SLCO1B3: variants seen among roughly 807,000 people sequenced by gnomAD.
SLCO1B3 encodes liver-specific organic anion transporter 2.
A neutral mutation model predicts 71.8 loss-of-function variants in SLCO1B3; 72 were observed. The observed-to-expected ratio is 1.00, with a 90% confidence interval of 0.83 to 1.22. The LOEUF is 1.22. Among genes scored for constraint, SLCO1B3 ranks in the 50% most tolerant of loss-of-function variants. The pLI, the probability that SLCO1B3 is intolerant of heterozygous loss-of-function variation, is 0.00. For synonymous variants in SLCO1B3, 298 were observed against 278.4 expected, an observed-to-expected ratio of 1.07 and a Z score of -0.70; for missense variants, 911 against 819.7, an observed-to-expected ratio of 1.11 and a Z score of -1.36.
At position 20,819,344 on chromosome 12, in the gene SLCO1B3, G is replaced by A. The variant is rs547605820; in HGVS notation, c.84+3522G>A. Among the ~76,000 whole-genome samples, 14 of 152,268 alleles carry A rather than the reference G, an allele frequency of 9.2e-5. No individual in the cohort carries two copies. In the East Asian group the frequency reaches 2.1e-3, roughly 23 times the overall value. On this transcript the variant is annotated intron_variant, in intron 3 of 15. Coordinates refer to ENST00000381545, the MANE Select transcript of SLCO1B3 (RefSeq NM_019844.4). ...GGTAACAGATGAGGATGAAATTTGC[G>A]CTTGACTGAAGTAATGGGGTCTGTC...
chr12:20,880,048 A>G (rs571086800), intron 11 of SLCO1B3, among the ~76,000 whole-genome samples: 9 of 151,862 alleles, frequency 5.9e-5, no homozygotes, highest in African/African-American at 2.2e-4. Context: ...CAATCTCCTT[A>G]TTTTTCTTAA....
chr12:20,907,221 G>T (rs1164334340), intron 15 of SLCO1B3, among the ~76,000 whole-genome samples: 1 of 152,102 alleles, frequency 6.6e-6, no homozygotes, highest in East Asian at 1.9e-4. Context: ...TTTACTAAAA[G>T]AACTTTCTTC....
intron 3 of SLCO1B3, among the ~76,000 whole-genome samples, chr12:20,851,945 T>C (rs1346225305): frequency 6.6e-6 from 1 of 152,224 alleles, no homozygotes; most frequent in Non-Finnish European, 1.5e-5. Flanking sequence ...GTTGGCACCC[T>C]TGTTGAAAAT....
chr12:20,828,648 C>CACACACGA (rs1864477875), intron 3 of SLCO1B3, among the ~76,000 whole-genome samples: 1 of 147,670 alleles, frequency 6.8e-6, no homozygotes. Context: ...CACACACATA[C>CACACACGA]ACACACACAC....
intron 15 of SLCO1B3, among the ~76,000 whole-genome samples, chr12:20,904,797 AGTG>A (rs1414634851): frequency 1.2e-4 from 12 of 99,966 alleles, no homozygotes; most frequent in Non-Finnish European, 1.9e-4. Context: ...TTCTTGAGAC[AGTG>A]TCTTGCTCTG....
intron 13 of SLCO1B3, among the ~76,000 whole-genome samples, chr12:20,896,348 C>A (rs916066465): frequency 6.6e-6 from 1 of 152,142 alleles, no homozygotes; most frequent in African/African-American, 2.4e-5. Context: ...AACTGAATGC[C>A]TTTAACAGCA....
At chr12:20,826,273 A>G (rs2121110597) in intron 3 of SLCO1B3, among the ~76,000 whole-genome samples, 1 of 152,150 alleles carries the variant, frequency 6.6e-6, no homozygotes, top group South Asian at 2.1e-4. Context: ...AACCTGAGGG[A>G]AAAAAATTAC....
intron 9 of SLCO1B3, 94 bp from the exon 10 acceptor site, chr12:20,877,678 T>A: frequency 2.0e-6 from 1 of 496,360 alleles, no homozygotes; most frequent in Non-Finnish European, 3.0e-6. Context: ...CACAAATCAT[T>A]TGTAACTTTA....
chr12:20,853,836 C>T (rs1321936427), intron 3 of SLCO1B3, among the ~76,000 whole-genome samples: 4 of 151,552 alleles, frequency 2.6e-5, no homozygotes, highest in Admixed American at 6.6e-5. Flanking sequence ...ATTTTTCTTT[C>T]CTTAATATCA....
intron 8 of SLCO1B3, among the ~76,000 whole-genome samples, chr12:20,869,701 C>A (rs6487165): frequency 2.0e-5 from 3 of 151,928 alleles, no homozygotes; most frequent in Non-Finnish European, 4.4e-5. Flanking sequence ...TTTCATTATA[C>A]GTATATATCA....
intron 3 of SLCO1B3, among the ~76,000 whole-genome samples, chr12:20,837,279 A>G (rs976504784): frequency 6.6e-6 from 1 of 151,840 alleles, no homozygotes; most frequent in African/African-American, 2.4e-5. Context: ...TTGGTTGTGT[A>G]TATTTTCTCT....
rs577844938 is a variant in SLCO1B3, at chr12:20,907,604, G to A, written c.1865+6137G>A. Among the ~76,000 whole-genome samples, 157 of 150,532 alleles carry A rather than the reference G, an allele frequency of 1.0e-3. No individual in the cohort carries two copies. In the Middle Eastern group the frequency reaches 0.024, roughly 23 times the overall value. ...GCTCACTGCAACCTCCGACTCCTGG[G>A]TTCAAGCAATTCTCTTGCCTCAGCC... On this transcript the variant is annotated intron_variant, in intron 15 of 15. Transcript: ENST00000381545.
At chr12:20,896,403 G>A (rs922623798) in intron 13 of SLCO1B3, among the ~76,000 whole-genome samples, 3 of 152,076 alleles carry the variant, frequency 2.0e-5, no homozygotes. Context: ...AATTTTTTCT[G>A]ACAGATACCC....
intron 5 of SLCO1B3, among the ~76,000 whole-genome samples, chr12:20,860,017 G>A (rs1375130865): frequency 1.0e-4 from 15 of 147,440 alleles, no homozygotes; most frequent in African/African-American, 3.3e-4. Context: ...GTGCAGTGGC[G>A]CGATCTCGGC....
At chr12:20,814,602 A>G (rs991618462) in intron 2 of SLCO1B3, among the ~76,000 whole-genome samples, 2 of 152,186 alleles carry the variant, frequency 1.3e-5, no homozygotes, top group Non-Finnish European at 2.9e-5. Flanking sequence ...TTAAAAATGC[A>G]TATTAAGGCT....
intron 1 of SLCO1B3, among the ~76,000 whole-genome samples, chr12:20,813,123 C>T (rs2121061002): frequency 6.6e-6 from 1 of 152,236 alleles, no homozygotes; most frequent in East Asian, 1.9e-4. Flanking sequence ...TATTTATATA[C>T]ACTCGCATAT....
At chr12:20,860,257 T>C (rs956617240) in intron 5 of SLCO1B3, among the ~76,000 whole-genome samples, 15 of 152,176 alleles carry the variant, frequency 9.9e-5, no homozygotes, top group Non-Finnish European at 2.1e-4. Flanking sequence ...GCCCAGCCCC[T>C]GATCATTTCT....
chr12:20,851,921 C>G (rs1392390584), intron 3 of SLCO1B3, among the ~76,000 whole-genome samples: 3 of 152,146 alleles, frequency 2.0e-5, no homozygotes, highest in Admixed American at 6.5e-5. Flanking sequence ...CTGGTTCTCT[C>G]CCTGTCATGC....
At position 20,907,002 on chromosome 12, in the gene SLCO1B3, G is replaced by A. The variant is rs563069381; in HGVS notation, c.1865+5535G>A. On this transcript the variant is annotated intron_variant, in intron 15 of 15. Transcript: ENST00000381545. ...ATTAATAATGTGCATGCAGGCAAAT[G>A]AATATTCTGAGTTCTTAAAAAAAGG... Among the ~76,000 whole-genome samples the A allele has an allele frequency of 3.3e-5, 5 of 152,044 alleles. No individual in the cohort carries two copies. In the South Asian group the frequency reaches 1.0e-3, roughly 32 times the overall value.
Sources: gnomAD v4.1 joint callset for allele counts (sites outside exome capture counted in the v4.1 genomes callset) on GRCh38, gnomAD v4.1.1 for gene constraint, MANE v1.5 for transcripts, NCBI Gene and HGNC (gene_info 2026-07-23, HGNC 2026-07-21) for gene names.